SLC25A36: variants seen among roughly 807,000 people sequenced by gnomAD.
SLC25A36 encodes solute carrier family 25 member 36.
A neutral mutation model predicts 35.3 loss-of-function variants in SLC25A36; 24 were observed. That is an observed-to-expected ratio of 0.68 (90% confidence interval 0.49 to 0.96). The LOEUF is 0.96. SLC25A36 is among the 40% of genes least tolerant of loss of function. SLC25A36 has a pLI of 0.00. For synonymous variants in SLC25A36, 141 were observed against 132.2 expected, an observed-to-expected ratio of 1.07 and a Z score of -0.46; for missense variants, 294 against 381.1, an observed-to-expected ratio of 0.77 and a Z score of 1.90.
intron 1 of SLC25A36, among the ~76,000 whole-genome samples, chr3:140,946,335 C>G (rs1172581390): frequency 6.6e-6 from 1 of 152,146 alleles, no homozygotes; most frequent in South Asian, 2.1e-4. Flanking sequence ...GACCCTAGCC[C>G]TGGTAAGAGT....
At chr3:140,952,564 T>TA (rs1011255625) in intron 1 of SLC25A36, among the ~76,000 whole-genome samples, 2 of 152,232 alleles carry the variant, frequency 1.3e-5, no homozygotes, top group African/African-American at 2.4e-5. Context: ...ATTTCATAGT[T>TA]ACCATTATCA....
At chr3:140,953,787 T>A (rs541547095) in intron 1 of SLC25A36, among the ~76,000 whole-genome samples, 15 of 152,182 alleles carry the variant, frequency 9.9e-5, no homozygotes, top group South Asian at 6.2e-4. Context: ...CAAGACCCTG[T>A]CTCAACAAAA....
Position 140,976,373 on chromosome 3 carries a change from A to G in SLC25A36, c.856A>G (p.Thr286Ala). Residue 286 changes from threonine to alanine, a missense_variant, in exon 7 of 7, where the codon ACT becomes GCT. Transcript: ENST00000324194. ...GYGSLYRGLT[T>A]HLVRQIPNTA... ...TGGGTCTCTTTATCGTGGTCTGACA[A>G]CTCATCTAGTGAGACAGATTCCAAA... 6.2e-7 allele frequency: 1 copy of G among 1,613,894 alleles called. No individual in the cohort carries two copies. The highest frequency in any genetic ancestry group is 8.5e-7 in the Non-Finnish European group (1 of 1,179,934).
intron 1 of SLC25A36, among the ~76,000 whole-genome samples, chr3:140,954,472 T>G (rs1253844571): frequency 5.3e-5 from 8 of 152,234 alleles, no homozygotes; most frequent in African/African-American, 1.9e-4. Flanking sequence ...CAAACTGCTT[T>G]CTAAAATGCC....
At chr3:140,956,414 AT>A in intron 1 of SLC25A36, 112 bp from the exon 2 acceptor site, 1 of 1,240,212 alleles carries the variant, frequency 8.1e-7, no homozygotes. Context: ...AAAATTATAA[AT>A]TTTAGTATGT....
At chr3:140,976,132 A>G in intron 6 of SLC25A36, 128 bp from the exon 7 acceptor site, 2 of 617,862 alleles carry the variant, frequency 3.2e-6, no homozygotes, top group Non-Finnish European at 5.4e-6. Context: ...TCAATAAGCT[A>G]CACATTAGAA....
chr3:140,959,173 G>C (rs1445887964), intron 2 of SLC25A36, among the ~76,000 whole-genome samples: 8 of 151,766 alleles, frequency 5.3e-5, no homozygotes, highest in African/African-American at 1.7e-4. Context: ...GCACCACCAT[G>C]CCCAGCTAAT....
In SLC25A36 at chr3:140,978,889, ACT is replaced by A. The variant is rs748555258; in HGVS notation, c.*2438_*2439del. The A allele has an allele frequency of 6.6e-6, 1 of 151,426 alleles. No homozygotes were observed. The highest frequency in any genetic ancestry group is 1.5e-5 in the Non-Finnish European group (1 of 67,950). The allele number at this position is 151,426 out of a possible 1,614,324, so 9.4% of individuals were successfully genotyped here. ...TTTCTTTGAAGTTTTTAAAAAATCG[ACT>A]CATGTTTAAAAACAAAAACACATAT... On this transcript the variant is annotated 3_prime_UTR_variant, in exon 7 of 7. Coordinates refer to ENST00000324194, the MANE Select transcript of SLC25A36 (RefSeq NM_001104647.3).
In SLC25A36 at chr3:140,973,716, G is replaced by T; in HGVS notation, c.453G>T (p.Arg151Ser). Residue 151 changes from arginine (R) to serine (S), a missense_variant and splice_region_variant, in exon 6 of 7, where the codon AGG becomes AGT. Arg to Ser is a moderately radical substitution (Grantham distance 110, BLOSUM62 -1). Coordinates refer to ENST00000324194, the MANE Select transcript of SLC25A36 (RefSeq NM_001104647.3). ...LIKTRLQLDA[R>S]NRGERRMGAF... is the part of the protein sequence containing the mutation. ...TAAGATGTTTCTTTTTGCTTTTCAG[G>T]AACCGCGGGGAAAGGCGAATGGGTG... The T allele has an allele frequency of 6.9e-7, 1 of 1,443,684 alleles. No individual in the cohort carries two copies. Among genetic ancestry groups the T allele is most frequent in the Non-Finnish European group, 9.2e-7 (1 of 1,088,576 alleles). The allele number at this position is 1,443,684 out of a possible 1,614,324, so 89.4% of individuals were successfully genotyped here.
chr3:140,966,992 A>T, intron 4 of SLC25A36: 1 of 456,288 alleles, frequency 2.2e-6, no homozygotes. Flanking sequence ...CATGCTCCCC[A>T]TCCGCAGGTC....
chr3:140,954,206 T>C (rs996932778), intron 1 of SLC25A36, among the ~76,000 whole-genome samples: 1 of 152,250 alleles, frequency 6.6e-6, no homozygotes, highest in African/African-American at 2.4e-5. Context: ...ATTAGCATAA[T>C]GCTTTTGAGA....
chr3:140,950,171 T>C (rs77377818), intron 1 of SLC25A36, among the ~76,000 whole-genome samples: 1 of 152,334 alleles, frequency 6.6e-6, no homozygotes, highest in East Asian at 1.9e-4. Context: ...ACAATACAAA[T>C]ATTGTTCACT....
chr3:140,946,151 C>G (rs111483613), intron 1 of SLC25A36, among the ~76,000 whole-genome samples: 48 of 152,098 alleles, frequency 3.2e-4, no homozygotes, highest in African/African-American at 1.1e-3. Flanking sequence ...TAATTGTTAT[C>G]ATTAACTAGA....
In SLC25A36 at chr3:140,976,281, G is replaced by A. The variant is rs1935042840; in HGVS notation, c.764G>A (p.Arg255His). ...ACAGAAGTTGTAAGAACAAGACTAC[G>A]TGAAGAGGGAACAAAATACAGATCT... ...YPHEVVRTRL[R>H]EEGTKYRSFF... Residue 255 changes from arginine (R) to histidine (H), a missense_variant, in exon 7 of 7, where the codon CGT becomes CAT. This residue lies in a region of SLC25A36 where 109 missense variants were observed against 179.7 expected (regional missense o/e 0.61). Coordinates refer to ENST00000324194, the MANE Select transcript of SLC25A36 (RefSeq NM_001104647.3). 3 of 1,608,636 alleles carry A rather than the reference G, an allele frequency of 1.9e-6. No individual in the cohort carries two copies. Among genetic ancestry groups the A allele is most frequent in the African/African-American group, 1.3e-5 (1 of 74,648 alleles).
intron 1 of SLC25A36, among the ~76,000 whole-genome samples, chr3:140,944,266 C>T (rs1934105267): frequency 6.6e-6 from 1 of 152,146 alleles, no homozygotes; most frequent in African/African-American, 2.4e-5. Flanking sequence ...ATATGTTTAT[C>T]GGAATCCCAC....
chr3:140,977,509 T>G lies in SLC25A36; in HGVS notation c.*1056T>G, dbSNP rs1008267906. The G allele has an allele frequency of 3.3e-5, 5 of 152,198 alleles. No homozygotes were observed. The highest frequency in any genetic ancestry group is 7.2e-5 in the African/African-American group (3 of 41,464). 9.4% of individuals were successfully genotyped at this position (152,198 alleles called of 1,614,324 possible). On this transcript the variant is annotated 3_prime_UTR_variant, in exon 7 of 7. Transcript: ENST00000324194. ...CTGTCTGCTTTAGCAGGTAGTGACATTAATTGACTTATAGTTTTGTGTAAA... is the reference window on the plus strand; with the variant it reads ...CTGTCTGCTTTAGCAGGTAGTGACAGTAATTGACTTATAGTTTTGTGTAAA...
At chr3:140,956,506 C>CTT (rs75174363) in intron 1 of SLC25A36, 21 bp from the exon 2 acceptor site, 656 of 1,424,366 alleles carry the variant, frequency 4.6e-4, no homozygotes, top group South Asian at 2.0e-3. Flanking sequence ...AAGCTGTGTT[C>CTT]TTTTTTTTTT....
intron 2 of SLC25A36, chr3:140,957,161 AG>A (rs1934501214): frequency 6.6e-6 from 1 of 152,278 alleles, no homozygotes; most frequent in Non-Finnish European, 1.5e-5. Flanking sequence ...GGTTTGGAAA[AG>A]ATTTGTTTTT....
intron 4 of SLC25A36, chr3:140,963,433 G>T: frequency 2.3e-6 from 1 of 433,928 alleles, no homozygotes. Flanking sequence ...TACATGCTAG[G>T]GTACAAGTAA....
Sources: gnomAD v4.1 joint callset for allele counts (sites outside exome capture counted in the v4.1 genomes callset) on GRCh38, gnomAD v4.1.1 for gene constraint, gnomAD v4.1.1 regional missense constraint, MANE v1.5 for transcripts, NCBI Gene and HGNC (gene_info 2026-07-23, HGNC 2026-07-21) for gene names.